RGS8: variants seen among roughly 807,000 people sequenced by gnomAD.
RGS8 encodes regulator of G protein signaling 8.
A neutral mutation model predicts 21.7 loss-of-function variants in RGS8; 8 were observed. The ratio of observed to expected loss-of-function variants is 0.37; its 90% CI spans 0.22 to 0.66. RGS8 has a LOEUF of 0.66. Among genes scored for constraint, RGS8 ranks in the 30% least tolerant of loss-of-function variants. The pLI, the probability that RGS8 is intolerant of heterozygous loss-of-function variation, is 0.59. For missense variants in RGS8, 157 were observed against 217.9 expected (o/e 0.72, Z 1.76); for synonymous variants, 80 against 83.6 (o/e 0.96, Z 0.24).
At chr1:182,722,086 A>G in the RGS8 span, among the ~76,000 whole-genome samples, 1 of 152,154 alleles carries the variant, frequency 6.6e-6, no homozygotes, top group African/African-American at 2.4e-5. Context: ...TCTGTGCTTT[A>G]CATAACTTGG....
intron 5 of RGS8, among the ~76,000 whole-genome samples, chr1:182,657,929 C>G (rs1663365834): frequency 6.6e-6 from 1 of 152,172 alleles, no homozygotes; most frequent in Non-Finnish European, 1.5e-5. Context: ...AGGTGGTGAA[C>G]AGTTTGGGAA....
intron 5 of RGS8, among the ~76,000 whole-genome samples, chr1:182,651,056 C>T (rs1229237141): frequency 6.6e-6 from 1 of 152,208 alleles, no homozygotes; most frequent in Admixed American, 6.5e-5. Flanking sequence ...GCACCTCCTG[C>T]TCCCATTCCT....
intron 5 of RGS8, among the ~76,000 whole-genome samples, chr1:182,650,052 C>T (rs543809026): frequency 1.3e-5 from 2 of 150,372 alleles, no homozygotes; most frequent in East Asian, 3.9e-4. Context: ...GCTGGGATTA[C>T]AGGCGTGCGC....
At chr1:182,671,587 A>T (rs945113285) in intron 2 of RGS8, 70 bp downstream of exon 3, 9 of 1,377,924 alleles carry the variant, frequency 6.5e-6, no homozygotes, top group Non-Finnish European at 7.2e-6. Flanking sequence ...AAGTTAATTA[A>T]ATATGGATAA....
intron 5 of RGS8, among the ~76,000 whole-genome samples, chr1:182,649,862 T>C (rs1245028635): frequency 6.6e-6 from 1 of 152,148 alleles, no homozygotes; most frequent in Non-Finnish European, 1.5e-5. Context: ...TAATCTTTTA[T>C]TTCTTTTCTA....
chr1:182,671,623 G>C (rs757895540), intron 2 of RGS8, 34 bp downstream of exon 3: 3 of 1,588,626 alleles, frequency 1.9e-6, no homozygotes, highest in Admixed American at 1.7e-5. Flanking sequence ...CAGACACCCC[G>C]GAGAAGAAAG....
At chr1:182,731,284 C>T in the RGS8 span, among the ~76,000 whole-genome samples, 1 of 152,214 alleles carries the variant, frequency 6.6e-6, no homozygotes, top group African/African-American at 2.4e-5. Context: ...CTTGGCTTCA[C>T]GCTGTTACTT....
chr1:182,708,924 T>C, the RGS8 span, among the ~76,000 whole-genome samples: 1 of 152,178 alleles, frequency 6.6e-6, no homozygotes, highest in African/African-American at 2.4e-5. Flanking sequence ...GGCGGAAGCT[T>C]GGGGCAGGGA....
chr1:182,726,670 C>CA, the RGS8 span, among the ~76,000 whole-genome samples: 3,124 of 134,130 alleles, frequency 0.023, 102 homozygotes, highest in African/African-American at 0.074. Flanking sequence ...GACTCTGTCT[C>CA]AAAAAAAAAA....
the RGS8 span, among the ~76,000 whole-genome samples, chr1:182,689,876 T>C: frequency 6.6e-6 from 1 of 152,340 alleles, no homozygotes; most frequent in South Asian, 2.1e-4. Context: ...AGTTTAAATC[T>C]TGTGATATCT....
chr1:182,741,781 G>C, the RGS8 span, among the ~76,000 whole-genome samples: 1 of 107,082 alleles, frequency 9.3e-6, no homozygotes, highest in Non-Finnish European at 2.2e-5. Flanking sequence ...TCCCGGACGG[G>C]GCGGCTGGCC....
chr1:182,738,833 G>C, the RGS8 span, among the ~76,000 whole-genome samples: 1 of 152,340 alleles, frequency 6.6e-6, no homozygotes, highest in South Asian at 2.1e-4. Flanking sequence ...TTAGGGGTTA[G>C]GGCAGGGTGA....
downstream of RGS8, chr1:182,644,174 C>G (rs147539823): frequency 2.4e-4 from 36 of 152,374 alleles, no homozygotes; most frequent in African/African-American, 8.2e-4. Context: ...TGTTTCATCA[C>G]AGACCAAAAT....
the RGS8 span, among the ~76,000 whole-genome samples, chr1:182,697,313 C>T: frequency 6.6e-6 from 1 of 152,226 alleles, no homozygotes; most frequent in Non-Finnish European, 1.5e-5. Context: ...GATATCAGAC[C>T]TGGCTCATGT....
At chr1:182,743,260 A>G in the RGS8 span, among the ~76,000 whole-genome samples, 1 of 152,228 alleles carries the variant, frequency 6.6e-6, no homozygotes, top group Non-Finnish European at 1.5e-5. Flanking sequence ...TATTGAGCCT[A>G]TGTCTTGCAG....
the RGS8 span, among the ~76,000 whole-genome samples, chr1:182,698,217 G>A: frequency 6.6e-6 from 1 of 152,136 alleles, no homozygotes; most frequent in African/African-American, 2.4e-5. Flanking sequence ...ACCGGTTGGT[G>A]GTCTTTCTGT....
downstream of RGS8, chr1:182,644,429 T>G (rs946358664): frequency 6.6e-6 from 1 of 152,218 alleles, no homozygotes; most frequent in African/African-American, 2.4e-5. Flanking sequence ...CACATACCCT[T>G]GCTTAGCTGC....
intron 5 of RGS8, among the ~76,000 whole-genome samples, chr1:182,650,821 G>T (rs553353931): frequency 4.6e-5 from 7 of 152,274 alleles, no homozygotes; most frequent in African/African-American, 1.7e-4. Context: ...TGAGAGTGAA[G>T]GCTGCATTAC....
At chr1:182,720,992 T>C in the RGS8 span, among the ~76,000 whole-genome samples, 1 of 103,470 alleles carries the variant, frequency 9.7e-6, no homozygotes, top group Admixed American at 9.6e-5. Flanking sequence ...TACACATATA[T>C]ATGTGTGTAT....
Sources: allele counts gnomAD v4.1 joint callset (sites outside exome capture counted in the v4.1 genomes callset), GRCh38; gene constraint gnomAD v4.1.1; transcripts MANE v1.5; gene names NCBI Gene and HGNC (gene_info 2026-07-23, HGNC 2026-07-21).